MLLT6: variants seen among roughly 807,000 people sequenced by gnomAD.
MLLT6 encodes protein AF-17.
Under a neutral mutation model 103.0 loss-of-function variants are expected in MLLT6, and 22 were observed. The ratio of observed to expected loss-of-function variants is 0.21; its 90% CI spans 0.15 to 0.31. The LOEUF (loss-of-function observed/expected upper bound fraction) is 0.31, where lower values mean the gene tolerates loss of function less well. MLLT6 is among the 10% of genes least tolerant of loss of function. The pLI, the probability that MLLT6 is intolerant of heterozygous loss-of-function variation, is 1.00. For synonymous variants in MLLT6, 606 were observed against 623.5 expected (o/e 0.97, Z 0.42); for missense variants, 1,199 against 1,441.7 (o/e 0.83, Z 2.73).
chr17:38,719,452 G>C (rs368033401), intron 12 of MLLT6, 65 bp from the exon 13 acceptor site: 2 of 1,370,488 alleles, frequency 1.5e-6, no homozygotes, highest in Non-Finnish European at 2.0e-6. Flanking sequence ...ATATCCATCT[G>C]GGGGCGGGGA....
rs758750003 is a variant in MLLT6, at chr17:38,724,783, C to T, written c.3047C>T (p.Ala1016Val). 1.3e-5 allele frequency: 21 copies of T among 1,607,110 alleles called. No homozygotes were observed. Among genetic ancestry groups the T allele is most frequent in the South Asian group, 3.3e-5 (3 of 89,996 alleles). The stretch of plus-strand genomic sequence containing the variant: ...GGTACCCCTGGCCTGCTGCCCACAG[C>T]GTCTGCTCCACCCCTGCTGCCCGCT... ...SAGTPGLLPT[A>V]SAPPLLPAGA... Residue 1016 changes from alanine (A) to valine (V), a missense_variant, in exon 19 of 20, where the codon GCG becomes GTG. Ala to Val is a moderately conservative substitution (Grantham distance 64). Coordinates refer to ENST00000621332, the MANE Select transcript of MLLT6 (RefSeq NM_005937.4). The surrounding 1 kb of genome is among the most constrained non-coding windows in gnomAD (Gnocchi z 5.4).
chr17:38,707,618 G>A (rs56171420), intron 3 of MLLT6, 78 bp downstream of exon 3: 17,603 of 1,484,040 alleles, frequency 0.012, 213 homozygotes, highest in African/African-American at 0.056. Flanking sequence ...CTGAGTTGGG[G>A]TGGAGGCCGG....
Position 38,717,325 on chromosome 17 carries a change from AGATCCC to A in MLLT6, c.1652-105_1652-100del, listed in dbSNP as rs1905397639. The A allele has an allele frequency of 4.4e-6, 4 of 912,618 alleles. No individual in the cohort carries two copies. In the East Asian group the frequency reaches 9.9e-5, roughly 23 times the overall value. The allele number at this position is 912,618 out of a possible 1,614,324, so 56.5% of individuals were successfully genotyped here. Reference sequence around the variant, plus strand: ...GAGGGTTAGACTGGGGCATGTAGCCAGATCCCGGGGAGCACTCGAGCTGGGGAGGGG... The same window carrying A: ...GAGGGTTAGACTGGGGCATGTAGCCAGGGGAGCACTCGAGCTGGGGAGGGG... On this transcript the variant is annotated intron_variant, in intron 10 of 19. Transcript: ENST00000621332.
chr17:38,712,355 T>C (rs1905171743), intron 7 of MLLT6, among the ~76,000 whole-genome samples: 1 of 152,214 alleles, frequency 6.6e-6, no homozygotes, highest in Non-Finnish European at 1.5e-5. Context: ...TCGCGCCACA[T>C]AGCACAGCGT....
chr17:38,719,332 G>A (rs879126256), intron 12 of MLLT6, 185 bp from the exon 13 acceptor site: 31 of 603,060 alleles, frequency 5.1e-5, no homozygotes, highest in South Asian at 5.0e-4. Context: ...CCCGGGGTTT[G>A]CCTCCCAGGG....
intron 12 of MLLT6, 173 bp from the exon 13 acceptor site, chr17:38,719,344 C>A (rs901207852): frequency 4.8e-6 from 3 of 621,894 alleles, no homozygotes; most frequent in Non-Finnish European, 8.5e-6. Flanking sequence ...CTCCCAGGGG[C>A]AGGGTTTCCA....
chr17:38,711,747 A>C (rs1176452299), intron 6 of MLLT6, 100 bp from the exon 7 acceptor site: 6 of 1,409,598 alleles, frequency 4.3e-6, no homozygotes, highest in Non-Finnish European at 5.6e-6. Context: ...GACGGGGCAC[A>C]TGGGGCTGAC....
intron 18 of MLLT6, 80 bp downstream of exon 18, chr17:38,722,848 GGA>G: frequency 3.8e-6 from 4 of 1,052,940 alleles, no homozygotes; most frequent in Non-Finnish European, 5.8e-6. Context: ...GGGCCAGCCA[GGA>G]GAGGGCAGGA....
chr17:38,707,472 T>C lies in MLLT6; in HGVS notation c.190-14T>C. ...AGCAGATCCCCCAACCCCTGTGCACTCTTGCATTGGCAGAGGTGTGAGCTG... is the reference window on the plus strand; with the variant it reads ...AGCAGATCCCCCAACCCCTGTGCACCCTTGCATTGGCAGAGGTGTGAGCTG... On this transcript the variant is annotated splice_polypyrimidine_tract_variant and intron_variant, in intron 2 of 19. Coordinates refer to ENST00000621332, the MANE Select transcript of MLLT6 (RefSeq NM_005937.4). The C allele has an allele frequency of 6.2e-7, 1 of 1,613,920 alleles. No homozygotes were observed. Among genetic ancestry groups the C allele is most frequent in the East Asian group, 2.2e-5 (1 of 44,872 alleles).
chr17:38,720,889 C>A, intron 16 of MLLT6, 142 bp downstream of exon 16: 1 of 745,756 alleles, frequency 1.3e-6, no homozygotes, highest in Non-Finnish European at 2.2e-6. Context: ...CTCCCTTAAT[C>A]AAGTAATATT....
chr17:38,707,070 C>T (rs375590852), intron 2 of MLLT6, 41 bp downstream of exon 2: 138 of 1,552,276 alleles, frequency 8.9e-5, no homozygotes, highest in Non-Finnish European at 1.1e-4. Context: ...CTGCCCCTCC[C>T]ACACACCTGA....
At position 38,722,675 on chromosome 17, in the gene MLLT6, C is replaced by T; in HGVS notation, c.2793-3C>T. ...CCCCCCCCACCCCCCACCCCCACCT[C>T]AGCCTTACAGAGCAGCAGAGACATC... On this transcript the variant is annotated splice_polypyrimidine_tract_variant and splice_region_variant and intron_variant, in intron 17 of 19. Coordinates refer to ENST00000621332, the MANE Select transcript of MLLT6 (RefSeq NM_005937.4). 1.1e-6 allele frequency: 1 copy of T among 905,624 alleles called. No individual in the cohort carries two copies. Among genetic ancestry groups the T allele is most frequent in the Non-Finnish European group, 1.7e-6 (1 of 596,952 alleles). The allele number at this position is 905,624 out of a possible 1,614,324, so 56.1% of individuals were successfully genotyped here.
In MLLT6 at chr17:38,725,573, C is replaced by G. The variant is rs777698354; in HGVS notation, c.3257C>G (p.Ala1086Gly). 94 of 1,602,008 alleles carry G rather than the reference C, an allele frequency of 5.9e-5. No individual in the cohort carries two copies. Among genetic ancestry groups the G allele is most frequent in the Non-Finnish European group, 7.5e-5 (88 of 1,175,334 alleles). Reference sequence around the variant, plus strand: ...TCTTTCCAGACCGCTGACAAAGGAGCCTCAGCCAACCAGGAAAAAGGCTAA... The same window carrying G: ...TCTTTCCAGACCGCTGACAAAGGAGGCTCAGCCAACCAGGAAAAAGGCTAA... ...GPKGGTADKGASANQEKG is the reference protein window; with the variant it reads ...GPKGGTADKGGSANQEKG Residue 1086 changes from alanine (A) to glycine (G), a missense_variant, in exon 20 of 20, where the codon GCC (alanine) becomes GGC (glycine). Ala to Gly is a moderately conservative substitution (Grantham distance 60, BLOSUM62 0). This residue lies in a region of MLLT6 where 55 missense variants were observed against 93.3 expected (regional missense o/e 0.59). Transcript: ENST00000621332.
At position 38,724,741 on chromosome 17, in the gene MLLT6, C is replaced by T. The variant is rs1230988266; in HGVS notation, c.3005C>T (p.Thr1002Ile). ...PMASLLAGSS[T>I]PLLSAGTPGL... The stretch of plus-strand genomic sequence containing the variant: ...GCCAGCCTGCTGGCAGGAAGCTCCA[C>T]CCCGCTGCTGTCTGCGGGTACCCCT... Residue 1002 changes from threonine (T) to isoleucine (I), a missense_variant, in exon 19 of 20, where the codon ACC becomes ATC. Coordinates refer to ENST00000621332, the MANE Select transcript of MLLT6 (RefSeq NM_005937.4). The surrounding 1 kb of genome is among the most constrained non-coding windows in gnomAD (Gnocchi z 5.4). 3 of 1,611,010 alleles carry T rather than the reference C, an allele frequency of 1.9e-6. No individual in the cohort carries two copies. Among genetic ancestry groups the T allele is most frequent in the Non-Finnish European group, 8.5e-7 (1 of 1,179,000 alleles).
At chr17:38,725,036 G>A in intron 19 of MLLT6, 60 bp downstream of exon 19, 2 of 1,214,400 alleles carry the variant, frequency 1.6e-6, no homozygotes, top group Non-Finnish European at 2.3e-6. Flanking sequence ...GAGATGGATT[G>A]TCAGAAGGCT....
At position 38,719,915 on chromosome 17, in the gene MLLT6, G is replaced by T. The variant is rs763892855; in HGVS notation, c.2155+20G>T. 1.9e-6 allele frequency: 3 copies of T among 1,554,660 alleles called. No individual in the cohort carries two copies. The highest frequency in any genetic ancestry group is 1.9e-5 in the Admixed American group (1 of 51,454). ...TCAACAGTGAGGAGGGGTGGCGCCG[G>T]TCGGGACGCCTGCCCTAGGGCCCTA... On this transcript the variant is annotated intron_variant, in intron 14 of 19. Coordinates refer to ENST00000621332, the MANE Select transcript of MLLT6 (RefSeq NM_005937.4).
In MLLT6 at chr17:38,716,683, C is replaced by T; in HGVS notation, c.1353C>T (p.Thr451=). The T allele has an allele frequency of 6.2e-7, 1 of 1,613,054 alleles. No homozygotes were observed. The highest frequency in any genetic ancestry group is 8.5e-7 in the Non-Finnish European group (1 of 1,179,696). ...THKRMPALSA[T]PVPADETPET... ...AACGGATGCCCGCACTGAGTGCCAC[C>T]CCTGTGCCTGCTGATGAGACCCCTG... is the stretch of plus-strand genomic sequence containing the variant. The change falls in exon 10 of 20, where the codon ACC becomes ACT. Residue 451 remains threonine, a synonymous_variant. Coordinates refer to ENST00000621332, the MANE Select transcript of MLLT6 (RefSeq NM_005937.4). The surrounding 1 kb of genome is among the most constrained non-coding windows in gnomAD (Gnocchi z 5.6).
intron 8 of MLLT6, chr17:38,713,422 A>C: frequency 4.7e-5 from 11 of 236,320 alleles, no homozygotes; most frequent in East Asian, 8.0e-5. Context: ...GCTCCCTACA[A>C]CCTGCCCTCC....
chr17:38,712,121 T>G, intron 7 of MLLT6, 107 bp downstream of exon 7: 1 of 1,377,948 alleles, frequency 7.3e-7, no homozygotes. Flanking sequence ...TGGCCCTGCC[T>G]TCTTCCTTCC....
Sources: gnomAD v4.1 joint callset for allele counts (sites outside exome capture counted in the v4.1 genomes callset) on GRCh38, gnomAD v4.1.1 for gene constraint, gnomAD v4.1.1 regional missense constraint, Gnocchi (gnomAD v3.1) non-coding constraint, MANE v1.5 for transcripts, NCBI Gene and HGNC (gene_info 2026-07-23, HGNC 2026-07-21) for gene names.